The following DPP10 variants were observed in gnomAD, a reference collection of about 807,000 sequenced individuals.
DPP10 encodes the protein inactive dipeptidyl peptidase 10.
DPP10 carries 33 observed loss-of-function variants against 120.9 expected under a neutral mutation model. The ratio of observed to expected loss-of-function variants is 0.27; its 90% CI spans 0.21 to 0.37. DPP10 has a LOEUF of 0.37. Ranked by LOEUF, DPP10 falls within the 10% of genes least tolerant of loss-of-function variation. The pLI, the probability that DPP10 is intolerant of heterozygous loss-of-function variation, is 1.00. For missense variants in DPP10, 816 were observed against 942.8 expected (o/e 0.87, Z 1.76); for synonymous variants, 337 against 326.1 (o/e 1.03, Z -0.36).
At chr2:115,312,585 G>A (rs75775940) in intron 2 of DPP10, among the ~76,000 whole-genome samples, 2,931 of 152,140 alleles carry the variant, frequency 0.019, 101 homozygotes, top group African/African-American at 0.066. Flanking sequence ...TTGATTTTGC[G>A]TGTGTCTGGC....
intron 1 of DPP10, among the ~76,000 whole-genome samples, chr2:114,932,692 G>A (rs550608877): frequency 1.4e-4 from 22 of 152,262 alleles, no homozygotes; most frequent in African/African-American, 3.6e-4. Context: ...GAAATCTTCC[G>A]AGGTGCTGGA....
chr2:115,251,321 C>CAA (rs2058741061), intron 1 of DPP10, among the ~76,000 whole-genome samples: 2 of 152,142 alleles, frequency 1.3e-5, no homozygotes, highest in Non-Finnish European at 2.9e-5. Flanking sequence ...CTGTCACTGC[C>CAA]AAACATAGCA....
In DPP10 at chr2:115,529,162, A is replaced by AT. The variant is rs551226170; in HGVS notation, c.441+3202dup. Among the ~76,000 whole-genome samples, 1,434 of 147,240 alleles carry AT rather than the reference A, an allele frequency of 9.7e-3. 9 individuals carry two copies. Among genetic ancestry groups the AT allele is most frequent in the African/African-American group, 9.7e-3 (391 of 40,180 alleles). On this transcript the variant is annotated intron_variant, in intron 5 of 25. Coordinates refer to ENST00000410059, the MANE Select transcript of DPP10 (RefSeq NM_020868.6). ...TTTAAAAAGTCCTAAAATAAGGCAA[A>AT]TTTTTTTTTTTTCCGGTGGGAGGGA...
chr2:114,862,227 C>A (rs947284854), intron 1 of DPP10, among the ~76,000 whole-genome samples: 3 of 151,868 alleles, frequency 2.0e-5, no homozygotes, highest in Non-Finnish European at 2.9e-5. Flanking sequence ...TAAAACTCTG[C>A]AGATACAGTT....
intron 1 of DPP10, among the ~76,000 whole-genome samples, chr2:114,594,369 C>CAT (rs145248542): frequency 0.11 from 16,374 of 147,654 alleles, 955 homozygotes; most frequent in East Asian, 0.23. Context: ...CTCCCTTTTA[C>CAT]ATATATATAT....
chr2:115,693,727 C>T (rs2091441813), intron 7 of DPP10, among the ~76,000 whole-genome samples: 1 of 151,730 alleles, frequency 6.6e-6, no homozygotes, highest in African/African-American at 2.4e-5. Flanking sequence ...TTATAGGTTC[C>T]CTGTTTGAAG....
chr2:114,751,032 A>C (rs926550340), intron 1 of DPP10, among the ~76,000 whole-genome samples: 3 of 152,216 alleles, frequency 2.0e-5, no homozygotes, highest in African/African-American at 7.2e-5. Flanking sequence ...GAAAATGTTA[A>C]TTAGCACCAA....
chr2:114,988,584 C>T (rs1342580804), intron 1 of DPP10, among the ~76,000 whole-genome samples: 1 of 152,154 alleles, frequency 6.6e-6, no homozygotes. Flanking sequence ...GTCCTTTCCC[C>T]AGGATATAGT....
intron 1 of DPP10, among the ~76,000 whole-genome samples, chr2:114,576,581 C>T (rs1175607982): frequency 6.6e-6 from 1 of 152,136 alleles, no homozygotes; most frequent in Non-Finnish European, 1.5e-5. Flanking sequence ...AAACAGCCCA[C>T]AGAAATCACC....
chr2:115,750,397 T>G (rs1678551852), intron 10 of DPP10, among the ~76,000 whole-genome samples: 1 of 152,226 alleles, frequency 6.6e-6, no homozygotes, highest in African/African-American at 2.4e-5. Flanking sequence ...ATTTTGGCTA[T>G]CTCCAACACC....
chr2:115,570,199 T>C (rs946675524), intron 5 of DPP10, among the ~76,000 whole-genome samples: 12 of 152,186 alleles, frequency 7.9e-5, no homozygotes, highest in Admixed American at 6.5e-4. Flanking sequence ...CAAGTGACAT[T>C]CATCATGGCT....
intron 7 of DPP10, among the ~76,000 whole-genome samples, chr2:115,719,217 G>A (rs369125536): frequency 2.0e-5 from 3 of 152,112 alleles, no homozygotes; most frequent in East Asian, 1.9e-4. Context: ...TGGATTAAAA[G>A]ATAAGGCTTT....
chr2:115,200,093 C>T, intron 1 of DPP10, among the ~76,000 whole-genome samples: 1 of 152,158 alleles, frequency 6.6e-6, no homozygotes, highest in East Asian at 1.9e-4. Context: ...ATCTGAGAAG[C>T]AGAGTGCTTT....
intron 5 of DPP10, among the ~76,000 whole-genome samples, chr2:115,592,760 CA>C (rs1330255427): frequency 1.3e-5 from 2 of 148,548 alleles, no homozygotes; most frequent in Non-Finnish European, 3.0e-5. Flanking sequence ...GTCTCAAAAA[CA>C]AAAAAAGAAA....
At chr2:115,530,825 T>C (rs2078417588) in intron 5 of DPP10, among the ~76,000 whole-genome samples, 1 of 152,168 alleles carries the variant, frequency 6.6e-6, no homozygotes, top group Non-Finnish European at 1.5e-5. Context: ...TCTGATTTAA[T>C]TGGCCTGAGG....
At chr2:115,459,938 T>TATATATATATATATATACACACACACAC (rs66927327) in intron 3 of DPP10, among the ~76,000 whole-genome samples, 1 of 128,504 alleles carries the variant, frequency 7.8e-6, no homozygotes, top group Non-Finnish European at 1.6e-5. Context: ...TATATATATA[T>TATATATATATATATATACACACACACAC]ACACACACAC....
At chr2:114,532,779 A>T (rs771103572) in intron 1 of DPP10, among the ~76,000 whole-genome samples, 1 of 152,200 alleles carries the variant, frequency 6.6e-6, no homozygotes, top group Non-Finnish European at 1.5e-5. Context: ...TCATGGTCCC[A>T]ACTTCATGGA....
chr2:114,876,899 G>A (rs965869824), intron 1 of DPP10, among the ~76,000 whole-genome samples: 4 of 152,002 alleles, frequency 2.6e-5, no homozygotes, highest in Non-Finnish European at 5.9e-5. Flanking sequence ...TGACCCTAAA[G>A]GTACTAAAGT....
chr2:114,693,768 C>T (rs757757107), intron 1 of DPP10, among the ~76,000 whole-genome samples: 43 of 151,718 alleles, frequency 2.8e-4, no homozygotes, highest in Non-Finnish European at 4.6e-4. Flanking sequence ...TTGGAGGTTT[C>T]GTTTGCTCTT....
Sources: allele counts gnomAD v4.1 joint callset (sites outside exome capture counted in the v4.1 genomes callset), GRCh38; gene constraint gnomAD v4.1.1; transcripts MANE v1.5; gene names NCBI Gene and HGNC (gene_info 2026-07-23, HGNC 2026-07-21).